The following ROBO2 variants were observed in gnomAD, a reference collection of about 807,000 sequenced individuals.
The protein encoded by ROBO2 is roundabout homolog 2.
Under a neutral mutation model 160.8 loss-of-function variants are expected in ROBO2, and 53 were observed. The observed-to-expected ratio is 0.33, with a 90% CI of 0.26 to 0.41. ROBO2 has a LOEUF of 0.41. Among genes scored for constraint, ROBO2 ranks in the 10% least tolerant of loss-of-function variants. The pLI, the probability that ROBO2 is intolerant of heterozygous loss-of-function variation, is 1.00. For missense variants in ROBO2, 1,577 were observed against 1,722.4 expected (o/e 0.92, Z 1.49); for synonymous variants, 664 against 611.7 (o/e 1.09, Z -1.26).
intron 2 of ROBO2, among the ~76,000 whole-genome samples, chr3:76,208,528 C>T (rs1038974511): frequency 5.3e-5 from 8 of 152,130 alleles, no homozygotes; most frequent in Non-Finnish European, 1.2e-4. Context: ...AGATCTTAGA[C>T]ACGTGATTTC....
chr3:77,646,955 G>GT (rs1347834778), exon 26 of ROBO2: 3 of 152,482 alleles, frequency 2.0e-5, no homozygotes, highest in Non-Finnish European at 2.9e-5. Flanking sequence ...TTATATTACA[G>GT]TTTTTTAAAA....
At chr3:76,397,753 T>G (rs2077550337) in intron 2 of ROBO2, among the ~76,000 whole-genome samples, 2 of 152,042 alleles carry the variant, frequency 1.3e-5, no homozygotes, top group African/African-American at 4.8e-5. Flanking sequence ...ATCAGAGAAA[T>G]GCAAAACAAA....
At chr3:76,838,611 A>G (rs1365908948) in intron 2 of ROBO2, among the ~76,000 whole-genome samples, 2 of 152,030 alleles carry the variant, frequency 1.3e-5, no homozygotes, top group Admixed American at 6.6e-5. Context: ...GGCCACATAA[A>G]CTAAGCTATT....
chr3:76,657,801 TGTGTGTATATATATA>T (rs1340673511), intron 2 of ROBO2, among the ~76,000 whole-genome samples: 8 of 148,040 alleles, frequency 5.4e-5, no homozygotes, highest in Middle Eastern at 3.6e-3. Flanking sequence ...TTCATATATA[TGTGTGTATATATATA>T]GTGTGTATAT....
chr3:77,545,208 T>A (rs1250396264), intron 6 of ROBO2, among the ~76,000 whole-genome samples: 1 of 152,056 alleles, frequency 6.6e-6, no homozygotes, highest in Admixed American at 6.6e-5. Flanking sequence ...AAAATCAGAA[T>A]AAAATCCTCA....
intron 23 of ROBO2, chr3:77,634,483 A>G (rs759204752): frequency 2.4e-4 from 64 of 261,828 alleles, no homozygotes; most frequent in Non-Finnish European, 4.7e-4. Context: ...ACAACAGTAT[A>G]TACTTCATAA....
intron 2 of ROBO2, among the ~76,000 whole-genome samples, chr3:76,369,100 G>C (rs1316425360): frequency 6.6e-6 from 1 of 151,776 alleles, no homozygotes; most frequent in African/African-American, 2.4e-5. Flanking sequence ...GTGTCTCCAC[G>C]CCTGCTACTC....
chr3:76,943,156 C>T (rs1243356217), intron 2 of ROBO2, among the ~76,000 whole-genome samples: 2 of 152,214 alleles, frequency 1.3e-5, no homozygotes, highest in Admixed American at 6.5e-5. Flanking sequence ...TTTTCCATTT[C>T]TTCAGTGGGT....
intron 2 of ROBO2, among the ~76,000 whole-genome samples, chr3:76,268,116 A>G (rs1411440274): frequency 1.3e-5 from 2 of 152,184 alleles, no homozygotes; most frequent in African/African-American, 4.8e-5. Context: ...ACATATACAC[A>G]TAAATTATCC....
At chr3:77,410,551 C>T (rs2076637227) in intron 2 of ROBO2, among the ~76,000 whole-genome samples, 2 of 75,902 alleles carry the variant, frequency 2.6e-5, no homozygotes, top group South Asian at 5.0e-4. Context: ...TCTTCCTCCT[C>T]TTCTTCCTCC....
At chr3:76,420,019 C>T (rs183074443) in intron 2 of ROBO2, among the ~76,000 whole-genome samples, 35 of 152,126 alleles carry the variant, frequency 2.3e-4, no homozygotes, top group East Asian at 1.9e-4. Context: ...CTTCTTTTAG[C>T]GTATTATTCA....
intron 2 of ROBO2, among the ~76,000 whole-genome samples, chr3:76,115,297 G>A (rs550464548): frequency 1.3e-5 from 2 of 152,154 alleles, no homozygotes; most frequent in East Asian, 3.9e-4. Context: ...AATGAATGTG[G>A]CAACAGCAGA....
At chr3:76,372,152 A>G (rs1436685944) in intron 2 of ROBO2, among the ~76,000 whole-genome samples, 1 of 151,912 alleles carries the variant, frequency 6.6e-6, no homozygotes, top group Non-Finnish European at 1.5e-5. Flanking sequence ...CCCTTTTGTT[A>G]CTTTATACAT....
At chr3:76,084,334 C>T (rs954230568) in intron 2 of ROBO2, among the ~76,000 whole-genome samples, 1 of 152,086 alleles carries the variant, frequency 6.6e-6, no homozygotes, top group African/African-American at 2.4e-5. Context: ...TCCACAGCCA[C>T]CGGAGTCCTA....
intron 18 of ROBO2, 95 bp from the exon 20 acceptor site, chr3:77,596,528 A>G (rs531121713): frequency 5.5e-6 from 8 of 1,466,882 alleles, no homozygotes; most frequent in South Asian, 3.4e-5. Context: ...GTCAATGAAA[A>G]TCTTCCATTT....
intron 1 of ROBO2, among the ~76,000 whole-genome samples, chr3:77,087,744 G>GTGTACATATACATATGTGTGTATACA (rs2069522655): frequency 6.6e-6 from 1 of 151,438 alleles, no homozygotes; most frequent in African/African-American, 2.4e-5. Context: ...ATATATGTGT[G>GTGTACATATACATATGTGTGTATACA]TGTACATATA....
At chr3:76,924,049 C>T (rs2076831496) in intron 2 of ROBO2, among the ~76,000 whole-genome samples, 3 of 152,036 alleles carry the variant, frequency 2.0e-5, no homozygotes, top group Admixed American at 1.3e-4. Context: ...TCCACTTCTC[C>T]GTGAATAAAC....
chr3:76,004,110 G>A (rs878912387), intron 2 of ROBO2, among the ~76,000 whole-genome samples: 1 of 152,150 alleles, frequency 6.6e-6, no homozygotes, highest in Non-Finnish European at 1.5e-5. Flanking sequence ...AATGTTTATA[G>A]CAACTTTATT....
Position 76,427,309 on chromosome 3 carries a change from G to A in ROBO2, c.109+489707G>A, listed in dbSNP as rs369545127. ...GCAACTGATAGTTCTGGAGACCATAGGAAGTGGGGGAAGGAGGAAAATATC... is the reference window on the plus strand; with the variant it reads ...GCAACTGATAGTTCTGGAGACCATAAGAAGTGGGGGAAGGAGGAAAATATC... On this transcript the variant is annotated intron_variant, in intron 2 of 26. Coordinates refer to the ROBO2 transcript ENST00000487694. 1.7e-3 allele frequency among the ~76,000 whole-genome samples: 254 copies of A among 151,962 alleles called. No individual in the cohort carries two copies. The Middle Eastern group carries it at 0.017, about 10-fold the overall frequency.
Sources: gnomAD v4.1 joint callset for allele counts (sites outside exome capture counted in the v4.1 genomes callset) on GRCh38, gnomAD v4.1.1 for gene constraint, MANE v1.5 for transcripts, NCBI Gene and HGNC (gene_info 2026-07-23, HGNC 2026-07-21) for gene names.